The following EIF4G1 variants were observed in gnomAD, a reference collection of about 807,000 sequenced individuals.
EIF4G1 encodes EIF4-gamma.
EIF4G1 carries 4 observed loss-of-function variants against 187.8 expected under a neutral mutation model. The ratio of observed to expected loss-of-function variants is 0.02; its 90% CI spans 0.01 to 0.05. EIF4G1 has a LOEUF of 0.05. Ranked by LOEUF, EIF4G1 falls within the 10% of genes least tolerant of loss-of-function variation. EIF4G1 has a pLI of 1.00. For missense variants in EIF4G1, 1,647 were observed against 2,081.1 expected, an observed-to-expected ratio of 0.79 and a Z score of 4.06; for synonymous variants, 844 against 781.4, an observed-to-expected ratio of 1.08 and a Z score of -1.34.
chr3:184,316,003 C>T, intron 3 of EIF4G1, 129 bp from the exon 4 acceptor site: 2 of 1,531,482 alleles, frequency 1.3e-6, no homozygotes, highest in Non-Finnish European at 8.8e-7. Flanking sequence ...TCCCCGGGGG[C>T]TGTCACGGGG....
At chr3:184,316,665 A>G (rs1722841670) in intron 4 of EIF4G1, 1 of 1,563,830 alleles carries the variant, frequency 6.4e-7, no homozygotes, top group South Asian at 1.2e-5. Context: ...TCCCCCCGCC[A>G]TCACCTTGGG....
At chr3:184,314,872 G>C (rs1722434928) in intron 1 of EIF4G1, among the ~76,000 whole-genome samples, 198 bp downstream of exon 1, 1 of 150,734 alleles carries the variant, frequency 6.6e-6, no homozygotes, top group South Asian at 2.1e-4. Flanking sequence ...GCTGCTGGGT[G>C]GGGGTGGGGA....
rs749041499 is a variant in EIF4G1, at chr3:184,332,065, G to C, written c.4597G>C (p.Val1533Leu). Residue 1533 changes from valine to leucine, a missense_variant, in exon 32 of 33, where the codon GTG becomes CTG. Transcript: ENST00000346169. ...GCTCTACGCCCTCCAGGCCCTTGTA[G>C]TGACCTTAGAACAGCCTCCCAGTAA... Reference protein sequence around the residue: ...QALYALQALVVTLEQPPNLLR... With the variant: ...QALYALQALVLTLEQPPNLLR... 2 of 1,614,214 alleles carry C rather than the reference G, an allele frequency of 1.2e-6. No individual in the cohort carries two copies. The highest frequency in any genetic ancestry group is 1.1e-5 in the South Asian group (1 of 91,082).
At position 184,332,102 on chromosome 3, in the gene EIF4G1, TG is replaced by T; in HGVS notation, c.4618+20del. 1 of 1,614,090 alleles carries T rather than the reference TG, an allele frequency of 6.2e-7. No homozygotes were observed. Among genetic ancestry groups the T allele is most frequent in the Non-Finnish European group, 8.5e-7 (1 of 1,180,006 alleles). ...CAGCCTCCCAGTAAGAGCCAGGCCA[TG>T]GGGACAGGGGTGGGGTGGAGGGACT... On this transcript the variant is annotated intron_variant, in intron 32 of 32. Transcript: ENST00000346169.
rs772261137 is a variant in EIF4G1 at position 184,317,740 on chromosome 3, G to T, written c.348G>T (p.Pro116=). The stretch of plus-strand genomic sequence containing the variant: ...AGGGGCGTTCCACATACGTTGTCCC[G>T]ACACAGCAGTACCCTGTGCAGCCAG... ...PGQGRSTYVV[P]TQQYPVQPGA... is the part of the protein sequence containing the mutation. Residue 116 remains proline (P), a synonymous_variant, in exon 6 of 33, where the codon CCG becomes CCT. Transcript: ENST00000346169. 5.6e-6 allele frequency: 9 copies of T among 1,613,858 alleles called. No homozygotes were observed. Among genetic ancestry groups the T allele is most frequent in the South Asian group, 1.1e-5 (1 of 91,070 alleles).
At chr3:184,330,931 G>T (rs962058637) in intron 28 of EIF4G1, among the ~76,000 whole-genome samples, 1 of 151,956 alleles carries the variant, frequency 6.6e-6, no homozygotes, top group African/African-American at 2.4e-5. Flanking sequence ...GTAGAGACGG[G>T]GTTTCACCAT....
chr3:184,327,609 C>G lies in EIF4G1; in HGVS notation c.3685C>G (p.Pro1229Ala), dbSNP rs35629949. ...DAVKREAALPPVSPLKAALSE... is the reference protein window; with the variant it reads ...DAVKREAALPAVSPLKAALSE... ...AGTGAAGCGAGAAGCTGCCCTACCC[C>G]CAGTGAGCCCCCTGAAGGCGGCTCT... Residue 1229 changes from proline to alanine, a missense_variant, in exon 25 of 33, where the codon CCA becomes GCA. Pro to Ala is a conservative substitution (Grantham distance 27). Coordinates refer to ENST00000346169, the MANE Select transcript of EIF4G1 (RefSeq NM_198241.3). The G allele has an allele frequency of 4.3e-3, 7,013 of 1,614,162 alleles. 16 individuals are homozygous for G. Among genetic ancestry groups the G allele is most frequent in the Non-Finnish European group, 5.1e-3 (6,005 of 1,179,994 alleles).
chr3:184,332,201 A>ATTTTGCTCTCT, intron 32 of EIF4G1, 115 bp downstream of exon 32: 3 of 1,397,848 alleles, frequency 2.1e-6, no homozygotes, highest in Non-Finnish European at 3.0e-6. Context: ...ATTAGAGAGC[A>ATTTTGCTCTCT]AAATGCCCTC....
chr3:184,324,057 G>T (rs2108492879), intron 16 of EIF4G1, 80 bp downstream of exon 16: 8 of 1,607,250 alleles, frequency 5.0e-6, no homozygotes, highest in Non-Finnish European at 6.8e-6. Flanking sequence ...CAGCTTCTTG[G>T]TTCCCCTCCA....
At chr3:184,316,788 C>T (rs915695101) in intron 4 of EIF4G1, 2 of 1,559,170 alleles carry the variant, frequency 1.3e-6, no homozygotes, top group African/African-American at 2.7e-5. Context: ...TTACCCTCCA[C>T]CCTAGTCAGG....
Position 184,331,495 on chromosome 3 carries a change from G to A in EIF4G1, c.4284G>A (p.Glu1428=), listed in dbSNP as rs1726093212. ...AGAAGGTGGAGTATACCCTGGGAGA[G>A]GAGTCGGAAGCCCCTGGCCAGAGGG... is the stretch of plus-strand genomic sequence containing the variant. ...AEQKVEYTLG[E]ESEAPGQRAL... Residue 1428 remains glutamate, a synonymous_variant, in exon 30 of 33, where the codon GAG becomes GAA. Coordinates refer to ENST00000346169, the MANE Select transcript of EIF4G1 (RefSeq NM_198241.3). The A allele has an allele frequency of 1.2e-6, 2 of 1,614,090 alleles. No individual in the cohort carries two copies. The highest frequency in any genetic ancestry group is 8.5e-7 in the Non-Finnish European group (1 of 1,180,050).
In EIF4G1 at chr3:184,334,178, C is replaced by G. The variant is rs1366589984; in HGVS notation, c.4619-549C>G. 6.6e-6 allele frequency among the ~76,000 whole-genome samples: 1 copy of G among 152,016 alleles called. No individual in the cohort carries two copies. The highest frequency in any genetic ancestry group is 2.4e-5 in the African/African-American group (1 of 41,368). ...AGAAAGAGGGCCCGAACAGGTGATGCTTGAGTTGAGTCCTGAAGGAACAAG... is the reference window on the plus strand; with the variant it reads ...AGAAAGAGGGCCCGAACAGGTGATGGTTGAGTTGAGTCCTGAAGGAACAAG... On this transcript the variant is annotated intron_variant, in intron 32 of 32. Coordinates refer to ENST00000346169, the MANE Select transcript of EIF4G1 (RefSeq NM_198241.3). The surrounding 1 kb of genome is among the most constrained non-coding windows in gnomAD (Gnocchi z 5.8).
intron 28 of EIF4G1, among the ~76,000 whole-genome samples, chr3:184,330,646 C>T (rs544131030): frequency 6.6e-6 from 1 of 152,242 alleles, no homozygotes; most frequent in Admixed American, 6.5e-5. Flanking sequence ...AACAAGCATA[C>T]TTGTTAGAAG....
chr3:184,328,265 C>T (rs1488505958), intron 26 of EIF4G1: 12 of 499,136 alleles, frequency 2.4e-5, no homozygotes, highest in Non-Finnish European at 4.4e-5. Flanking sequence ...GGCGTGGTGG[C>T]ACAGTAATCC....
At position 184,321,846 on chromosome 3, in the gene EIF4G1, C is replaced by A. The variant is rs1480933867; in HGVS notation, c.1262C>A (p.Pro421Gln). The change falls in exon 10 of 33, where the codon CCA becomes CAA. Residue 421 changes from proline (P) to glutamine (Q), a missense_variant. Physicochemically the swap from Pro to Gln is moderately conservative, Grantham distance 76. Around this residue, in one of 11 missense-constraint regions of EIF4G1, gnomAD observed 522 missense variants for 485.2 expected, o/e 1.08. Coordinates refer to ENST00000346169, the MANE Select transcript of EIF4G1 (RefSeq NM_198241.3). ...GTGGACTTAAGCCCAGTCAGTGAGC[C>A]AGAGGAGCAGGCCAAGGAGGTGACA... ...PAVDLSPVSE[P>Q]EEQAKEVTAS... The A allele has an allele frequency of 6.2e-7, 1 of 1,613,994 alleles. No individual in the cohort carries two copies.
intron 4 of EIF4G1, chr3:184,316,600 G>A (rs2108460200): frequency 9.6e-7 from 1 of 1,045,364 alleles, no homozygotes; most frequent in East Asian, 2.4e-5. Context: ...CTGTTCCCCA[G>A]CTTCTTCCTT....
In EIF4G1 at chr3:184,325,400, C is replaced by T. The variant is rs1423783979; in HGVS notation, c.2961+27C>T. 2.5e-6 allele frequency: 4 copies of T among 1,614,182 alleles called. No homozygotes were observed. Among genetic ancestry groups the T allele is most frequent in the South Asian group, 1.1e-5 (1 of 91,084 alleles). On this transcript the variant is annotated intron_variant, in intron 19 of 32. Coordinates refer to ENST00000346169, the MANE Select transcript of EIF4G1 (RefSeq NM_198241.3). The surrounding 1 kb of genome is among the most constrained non-coding windows in gnomAD (Gnocchi z 5.2). ...TGTGTGTCCCCCTCCTCCCCACTGC[C>T]AGCCTGCTGCCTCCAGTTTCTGACA... is the stretch of plus-strand genomic sequence containing the variant.
intron 32 of EIF4G1, among the ~76,000 whole-genome samples, chr3:184,332,328 A>G (rs1726270882): frequency 6.6e-6 from 1 of 152,222 alleles, no homozygotes; most frequent in Non-Finnish European, 1.5e-5. Context: ...TTTGATGCCA[A>G]CAGTGCAGAG....
chr3:184,328,158 T>A, intron 26 of EIF4G1, 156 bp downstream of exon 26: 1 of 825,012 alleles, frequency 1.2e-6, no homozygotes, highest in Non-Finnish European at 2.0e-6. Flanking sequence ...CCAAGGTGGG[T>A]TGGATTCCTT....
Sources: allele counts gnomAD v4.1 joint callset (sites outside exome capture counted in the v4.1 genomes callset), GRCh38; gene constraint gnomAD v4.1.1; regional missense constraint gnomAD v4.1.1; non-coding constraint Gnocchi (gnomAD v3.1); transcripts MANE v1.5; gene names NCBI Gene and HGNC (gene_info 2026-07-23, HGNC 2026-07-21).